The following LYST variants were observed in gnomAD, a reference collection of about 807,000 sequenced individuals.
LYST encodes lysosomal-trafficking regulator.
A neutral mutation model predicts 413.6 loss-of-function variants in LYST; 192 were observed. The ratio of observed to expected loss-of-function variants is 0.46; its 90% CI spans 0.41 to 0.52. The LOEUF (loss-of-function observed/expected upper bound fraction) is 0.52, where lower values mean the gene tolerates loss of function less well. LYST is among the 20% of genes least tolerant of loss of function. The probability of loss-of-function intolerance (pLI) is 0.00; values close to 1 mark genes in which losing one functional copy is unlikely to be tolerated. For synonymous variants in LYST, 1,525 were observed against 1,567.3 expected (o/e 0.97, Z 0.64); for missense variants, 3,815 against 4,499.9 (o/e 0.85, Z 4.35).
At chr1:235,704,294 A>G (rs535527690) in intron 44 of LYST, among the ~76,000 whole-genome samples, 1 of 152,318 alleles carries the variant, frequency 6.6e-6, no homozygotes, top group East Asian at 1.9e-4. Flanking sequence ...GCTGGGTAGA[A>G]TAGTAGTTCT....
rs906635441 is a variant in LYST, at chr1:235,665,637, T to C, written c.11039-1016A>G. On this transcript the variant is annotated intron_variant, in intron 50 of 52. Transcript: ENST00000389793. ...CAAAAAAAAAAAAAAAAAAAGTGAC[T>C]TATGTGACTTTTGAAGAAAAAAAAA... Among the ~76,000 whole-genome samples the C allele has an allele frequency of 3.7e-4, 52 of 140,796 alleles. 2 individuals carry two copies. The highest frequency in any genetic ancestry group is 1.8e-3 in the Admixed American group (25 of 14,164). The allele number at this position is 140,796 out of a possible 152,430, so 92.4% of individuals were successfully genotyped here.
chr1:235,761,313 G>A (rs531367926), intron 22 of LYST, among the ~76,000 whole-genome samples: 1 of 152,246 alleles, frequency 6.6e-6, no homozygotes, highest in South Asian at 2.1e-4. Context: ...ACAAGACTAG[G>A]TTGGACTGAC....
At chr1:235,873,654 G>C (rs1210126600) in intron 1 of LYST, among the ~76,000 whole-genome samples, 1 of 152,156 alleles carries the variant, frequency 6.6e-6, no homozygotes, top group Non-Finnish European at 1.5e-5. Flanking sequence ...TTCTTAGCCA[G>C]GTGATTTACT....
intron 40 of LYST, among the ~76,000 whole-genome samples, chr1:235,720,230 A>T (rs531779745): frequency 2.2e-4 from 33 of 150,914 alleles, no homozygotes; most frequent in African/African-American, 7.5e-4. Context: ...GTTCAGAGAT[A>T]TAGCAACCAA....
chr1:235,776,738 T>C (rs1440595121), intron 17 of LYST, among the ~76,000 whole-genome samples: 1 of 152,032 alleles, frequency 6.6e-6, no homozygotes, highest in African/African-American at 2.4e-5. Context: ...TTCCTATGCA[T>C]TGGAAACATT....
In LYST at chr1:235,813,019, G is replaced by C. The variant is rs1173921496; in HGVS notation, c.235C>G (p.Leu79Val). The change falls in exon 4 of 53, where the codon CTC (leucine) becomes GTC (valine). Residue 79 changes from leucine to valine, a missense_variant. Physicochemically the swap from Leu to Val is conservative, Grantham distance 32. Coordinates refer to ENST00000389793, the MANE Select transcript of LYST (RefSeq NM_000081.4). ...REELLTLLLS[L>V]LPLVWKIPVQ... ...GGTATCTTCCATACCAGTGGAAGGA[G>C]AGACAGAAGAAGAGTCAGGAGTTCT... is the stretch of plus-strand genomic sequence containing the variant. The C allele has an allele frequency of 1.2e-6, 2 of 1,612,320 alleles. No homozygotes were observed. Among genetic ancestry groups the C allele is most frequent in the African/African-American group, 1.3e-5 (1 of 74,976 alleles).
At chr1:235,775,670 G>C (rs191197918) in intron 17 of LYST, among the ~76,000 whole-genome samples, 1 of 152,182 alleles carries the variant, frequency 6.6e-6, no homozygotes, top group Non-Finnish European at 1.5e-5. Flanking sequence ...TTAAGGGAAG[G>C]CTACACAGAG....
chr1:235,740,616 A>G (rs548908601), intron 31 of LYST, among the ~76,000 whole-genome samples: 13 of 152,324 alleles, frequency 8.5e-5, no homozygotes, highest in Middle Eastern at 3.4e-3. Flanking sequence ...TTAGAGCTGT[A>G]TAATAGTCTA....
intron 21 of LYST, 134 bp from the exon 22 acceptor site, chr1:235,762,985 A>T: frequency 1.5e-6 from 1 of 682,802 alleles, no homozygotes. Flanking sequence ...AGCATACTTT[A>T]TATTAAGGCA....
At chr1:235,673,131 G>C (rs553453654) in intron 50 of LYST, among the ~76,000 whole-genome samples, 3 of 152,236 alleles carry the variant, frequency 2.0e-5, no homozygotes, top group African/African-American at 4.8e-5. Context: ...AGTCAAGAAA[G>C]CACTGCCCTC....
Position 235,663,847 on chromosome 1 carries a change from C to T in LYST, c.11267+137G>A, listed in dbSNP as rs573255856. Reference sequence around the variant, plus strand: ...TCTTGCTGCTGGGTCACGGACAACCCGCTGTGTGTTAAGTGGTTGGCTTTT... The same window carrying T: ...TCTTGCTGCTGGGTCACGGACAACCTGCTGTGTGTTAAGTGGTTGGCTTTT... On this transcript the variant is annotated intron_variant, in intron 52 of 52. Transcript: ENST00000389793. 1.9e-5 allele frequency: 14 copies of T among 752,104 alleles called. No individual in the cohort carries two copies. In the African/African-American group the frequency reaches 1.9e-4, roughly 10 times the overall value. 46.6% of individuals were successfully genotyped at this position (752,104 alleles called of 1,614,324 possible). A position where few individuals can be genotyped will look rare whatever the true frequency, so the allele number is the denominator to read the frequency against.
intron 44 of LYST, among the ~76,000 whole-genome samples, chr1:235,707,533 G>C (rs1006835762): frequency 6.6e-6 from 1 of 152,136 alleles, no homozygotes; most frequent in Non-Finnish European, 1.5e-5. Flanking sequence ...TGAGGCAGGA[G>C]AATTGCTTGA....
chr1:235,754,889 C>T (rs1375880000), intron 25 of LYST, among the ~76,000 whole-genome samples: 1 of 150,984 alleles, frequency 6.6e-6, no homozygotes, highest in East Asian at 2.0e-4. Context: ...GCCTGGGAAA[C>T]ACTGCAAGAC....
intron 2 of LYST, 35 bp from the exon 3 acceptor site, chr1:235,830,459 G>A (rs374859516): frequency 6.9e-7 from 1 of 1,448,500 alleles, no homozygotes; most frequent in African/African-American, 1.4e-5. Context: ...AAAAGATTAG[G>A]AAAACAAATA....
chr1:235,880,797 A>G (rs1036334579), intron 1 of LYST, among the ~76,000 whole-genome samples: 4 of 152,172 alleles, frequency 2.6e-5, no homozygotes, highest in African/African-American at 9.7e-5. Context: ...CGCAAATGGG[A>G]AGAACAAGTA....
At chr1:235,756,001 C>CTA (rs1403280967) in intron 24 of LYST, among the ~76,000 whole-genome samples, 2 of 25,668 alleles carry the variant, frequency 7.8e-5, no homozygotes, top group Non-Finnish European at 1.6e-4. Flanking sequence ...CTCTGCAAAT[C>CTA]TATATCTATA....
chr1:235,684,779 T>C (rs1369005072), intron 48 of LYST, among the ~76,000 whole-genome samples: 1 of 151,828 alleles, frequency 6.6e-6, no homozygotes, highest in Non-Finnish European at 1.5e-5. Flanking sequence ...CCACCATGCC[T>C]GACCAATTTT....
At chr1:235,698,983 T>C (rs186435224) in intron 45 of LYST, among the ~76,000 whole-genome samples, 141 of 152,346 alleles carry the variant, frequency 9.3e-4, no homozygotes, top group South Asian at 4.1e-3. Flanking sequence ...GGAATTCATA[T>C]AAAAGGAACT....
At chr1:235,738,158 C>T in intron 31 of LYST, 1 of 1,609,416 alleles carries the variant, frequency 6.2e-7, no homozygotes, top group African/African-American at 1.3e-5. Context: ...TTGTTGATGT[C>T]ATGGAAGACA....
Sources: gnomAD v4.1 joint callset for allele counts (sites outside exome capture counted in the v4.1 genomes callset) on GRCh38, gnomAD v4.1.1 for gene constraint, MANE v1.5 for transcripts, NCBI Gene and HGNC (gene_info 2026-07-23, HGNC 2026-07-21) for gene names.